The following NBAS variants were observed in gnomAD, a reference collection of about 807,000 sequenced individuals.
NBAS encodes the protein NAG/BC035112 fusion.
Under a neutral mutation model 302.5 loss-of-function variants are expected in NBAS, and 219 were observed. The observed-to-expected ratio is 0.72, with a 90% confidence interval of 0.65 to 0.81. The LOEUF (loss-of-function observed/expected upper bound fraction) is 0.81. Ranked by LOEUF, NBAS falls within the 30% of genes least tolerant of loss-of-function variation. The pLI, the probability that NBAS is intolerant of heterozygous loss-of-function variation, is 0.00. For missense variants in NBAS, 2,932 were observed against 2,841.6 expected, an observed-to-expected ratio of 1.03 and a Z score of -0.72; for synonymous variants, 1,118 against 1,021.6, an observed-to-expected ratio of 1.09 and a Z score of -1.80.
chr2:14,965,435 CA>C, the NBAS span, among the ~76,000 whole-genome samples: 1 of 152,068 alleles, frequency 6.6e-6, no homozygotes, highest in Non-Finnish European at 1.5e-5. Context: ...GTGAAATGAA[CA>C]AAGACCTTGA....
At chr2:14,911,029 T>C in the NBAS span, among the ~76,000 whole-genome samples, 2,213 of 152,318 alleles carry the variant, frequency 0.015, 42 homozygotes, top group Admixed American at 0.047. Flanking sequence ...CAAAATCAAC[T>C]TCTCTTTCCC....
At chr2:15,277,216 CAA>C in intron 42 of NBAS, 115 bp from the exon 43 acceptor site, 1 of 1,328,454 alleles carries the variant, frequency 7.5e-7, no homozygotes, top group South Asian at 1.4e-5. Context: ...CCTGCCTACT[CAA>C]AGACAGTAAA....
the NBAS span, among the ~76,000 whole-genome samples, chr2:15,079,328 C>T: frequency 1.3e-5 from 2 of 152,056 alleles, no homozygotes; most frequent in African/African-American, 4.8e-5. Flanking sequence ...TCAGTTTCAC[C>T]ACCTACAAAG....
the NBAS span, among the ~76,000 whole-genome samples, chr2:14,825,225 C>T: frequency 6.6e-6 from 1 of 152,256 alleles, no homozygotes; most frequent in East Asian, 1.9e-4. Context: ...GGCAGACCCA[C>T]GATGGGGCTC....
the NBAS span, among the ~76,000 whole-genome samples, chr2:14,788,141 C>T: frequency 1.1e-4 from 16 of 152,172 alleles, no homozygotes; most frequent in Admixed American, 2.0e-4. Context: ...GCATTCTTCA[C>T]GTAGTTCTCG....
chr2:14,886,265 A>G, the NBAS span, among the ~76,000 whole-genome samples: 2 of 152,104 alleles, frequency 1.3e-5, no homozygotes, highest in Non-Finnish European at 2.9e-5. Flanking sequence ...TACCCATACC[A>G]TAATAGTCCT....
chr2:14,868,545 T>C, the NBAS span, among the ~76,000 whole-genome samples: 1 of 152,222 alleles, frequency 6.6e-6, no homozygotes, highest in Non-Finnish European at 1.5e-5. Flanking sequence ...TTCCTGATAC[T>C]TTCTTCATTA....
At chr2:14,944,443 G>T in the NBAS span, among the ~76,000 whole-genome samples, 3 of 152,134 alleles carry the variant, frequency 2.0e-5, no homozygotes, top group Non-Finnish European at 4.4e-5. Context: ...TCTCCAACAC[G>T]TCCTTGACAC....
the NBAS span, among the ~76,000 whole-genome samples, chr2:14,781,920 T>C: frequency 6.6e-6 from 1 of 151,980 alleles, no homozygotes; most frequent in South Asian, 2.1e-4. Context: ...CCAAAGTCCA[T>C]CCTCCTTAGC....
intron 25 of NBAS, among the ~76,000 whole-genome samples, chr2:15,409,040 T>A (rs1461939435): frequency 6.6e-6 from 1 of 152,142 alleles, no homozygotes; most frequent in African/African-American, 2.4e-5. Context: ...ATCAAGTAAA[T>A]CCTGGCTATC....
intron 44 of NBAS, among the ~76,000 whole-genome samples, chr2:15,268,210 GAGA>G (rs970066559): frequency 1.3e-5 from 2 of 152,222 alleles, no homozygotes; most frequent in African/African-American, 4.8e-5. Flanking sequence ...TTTCTGAGGA[GAGA>G]AGGAGTGGCA....
chr2:15,472,330 A>T (rs1056357270), intron 16 of NBAS, among the ~76,000 whole-genome samples: 2 of 151,782 alleles, frequency 1.3e-5, no homozygotes, highest in African/African-American at 4.8e-5. Context: ...TCTGTTGACA[A>T]CCTCCCACTG....
At chr2:14,868,883 C>G in the NBAS span, among the ~76,000 whole-genome samples, 3 of 152,172 alleles carry the variant, frequency 2.0e-5, no homozygotes, top group African/African-American at 7.2e-5. Flanking sequence ...AGGGGTGGTG[C>G]TCATGAGCCA....
intron 28 of NBAS, among the ~76,000 whole-genome samples, chr2:15,385,278 A>T (rs972667558): frequency 1.3e-5 from 2 of 152,196 alleles, no homozygotes; most frequent in African/African-American, 4.8e-5. Flanking sequence ...ACAGGCAGAG[A>T]AGTAGCAGAA....
chr2:15,556,767 A>G lies in NBAS; in HGVS notation c.209+16T>C. ...TTTGATGTTCATACTGTTTCTCTGA[A>G]GAACCGAAGACTCACCTGTACCAGA... On this transcript the variant is annotated intron_variant, in intron 3 of 51. Coordinates refer to ENST00000281513, the MANE Select transcript of NBAS (RefSeq NM_015909.4). 1.5e-5 allele frequency: 24 copies of G among 1,593,806 alleles called. No individual in the cohort carries two copies. The highest frequency in any genetic ancestry group is 2.1e-5 in the Non-Finnish European group (24 of 1,161,876).
chr2:15,137,453 C>G, the NBAS span, among the ~76,000 whole-genome samples: 1 of 152,152 alleles, frequency 6.6e-6, no homozygotes, highest in South Asian at 2.1e-4. Context: ...ATTCTATAAT[C>G]AAACAGAGCC....
intron 10 of NBAS, 50 bp from the exon 11 acceptor site, chr2:15,504,263 G>A (rs377348384): frequency 5.5e-5 from 76 of 1,377,758 alleles, no homozygotes; most frequent in Middle Eastern, 5.4e-4. Context: ...ATGACTTATC[G>A]TTGTAAAATG....
rs149402748 is a variant in NBAS at position 15,366,675 on chromosome 2, C to G, written c.3722G>C (p.Arg1241Pro). The part of the protein sequence containing the change: ...LPLQVRLCPD[R>P]ISLIKECISQ... ...AATACACTCCTTGATGAGACTGATC[C>G]GATCAGGGCACAATCGCACTACAAA... Residue 1241 changes from arginine (R) to proline (P), a missense_variant, in exon 32 of 52, where the codon CGG becomes CCG. Transcript: ENST00000281513. The G allele has an allele frequency of 2.5e-6, 4 of 1,613,786 alleles. No homozygotes were observed. The highest frequency in any genetic ancestry group is 3.4e-6 in the Non-Finnish European group (4 of 1,179,910).
chr2:15,122,479 G>A, the NBAS span, among the ~76,000 whole-genome samples: 41 of 152,282 alleles, frequency 2.7e-4, no homozygotes, highest in African/African-American at 9.9e-4. Flanking sequence ...AGGGGTTGGT[G>A]CTTCGTTCAT....
Sources: gnomAD v4.1 joint callset for allele counts (sites outside exome capture counted in the v4.1 genomes callset) on GRCh38, gnomAD v4.1.1 for gene constraint, MANE v1.5 for transcripts, NCBI Gene and HGNC (gene_info 2026-07-23, HGNC 2026-07-21) for gene names.